CLSTN2: variants seen among roughly 807,000 people sequenced by gnomAD.
The protein encoded by CLSTN2 is calsyntenin-2.
In CLSTN2, 48 loss-of-function variants were observed where a neutral mutation model predicts 101.2. That is an observed-to-expected ratio of 0.47 (90% confidence interval 0.38 to 0.60). The LOEUF is 0.60. CLSTN2 is among the 20% of genes least tolerant of loss of function. The pLI, the probability that CLSTN2 is intolerant of heterozygous loss-of-function variation, is 0.00. For missense variants in CLSTN2, 1,160 were observed against 1,238.2 expected (o/e 0.94, Z 0.95); for synonymous variants, 481 against 463.6 (o/e 1.04, Z -0.48).
chr3:139,994,231 C>T (rs182377989), intron 1 of CLSTN2, among the ~76,000 whole-genome samples: 192 of 152,354 alleles, frequency 1.3e-3, no homozygotes, highest in Admixed American at 2.9e-3. Flanking sequence ...TATCTTCCTG[C>T]ACTTTCTGCA....
chr3:140,119,270 C>A (rs1195198452), intron 1 of CLSTN2, among the ~76,000 whole-genome samples: 1 of 152,218 alleles, frequency 6.6e-6, no homozygotes, highest in Non-Finnish European at 1.5e-5. Context: ...AGTCAACAGT[C>A]AACCAGTAAT....
chr3:140,334,074 G>A (rs764668914), intron 2 of CLSTN2, among the ~76,000 whole-genome samples: 7 of 152,126 alleles, frequency 4.6e-5, no homozygotes, highest in South Asian at 2.1e-4. Flanking sequence ...CCTTCCATGC[G>A]ACCTTGGATA....
intron 1 of CLSTN2, among the ~76,000 whole-genome samples, chr3:140,106,070 C>G (rs907821547): frequency 1.3e-5 from 2 of 152,186 alleles, no homozygotes; most frequent in Non-Finnish European, 2.9e-5. Context: ...ATGGCAGACA[C>G]CTGAAGCTGC....
chr3:140,165,413 T>G (rs1209373395), intron 1 of CLSTN2, among the ~76,000 whole-genome samples: 1 of 152,192 alleles, frequency 6.6e-6, no homozygotes, highest in African/African-American at 2.4e-5. Context: ...GACATCGTCA[T>G]GATTAGAATG....
intron 5 of CLSTN2, among the ~76,000 whole-genome samples, chr3:140,441,981 A>G (rs186687544): frequency 6.6e-6 from 1 of 152,256 alleles, no homozygotes; most frequent in East Asian, 1.9e-4. Context: ...GAATGGCACC[A>G]CTTGAACCTG....
intron 1 of CLSTN2, among the ~76,000 whole-genome samples, chr3:140,003,271 CT>C (rs2006886285): frequency 6.6e-6 from 1 of 151,986 alleles, no homozygotes; most frequent in African/African-American, 2.4e-5. Flanking sequence ...CCTTTTACTT[CT>C]TAAGTTAATT....
intron 2 of CLSTN2, among the ~76,000 whole-genome samples, chr3:140,276,388 C>T (rs560185092): frequency 9.9e-4 from 150 of 152,258 alleles, no homozygotes; most frequent in African/African-American, 3.1e-3. Context: ...AGAGCCCACA[C>T]CCTTCACGGC....
intron 8 of CLSTN2, among the ~76,000 whole-genome samples, chr3:140,513,583 C>CTTTTTTTTTTTTTTTTTT (rs55778787): frequency 4.6e-4 from 54 of 117,738 alleles, no homozygotes; most frequent in African/African-American, 1.3e-3. Context: ...TTTTTTCTTT[C>CTTTTTTTTTTTTTTTTTT]TTTTTTTTTT....
At chr3:140,555,206 T>C (rs374690933) in intron 10 of CLSTN2, among the ~76,000 whole-genome samples, 15 of 152,184 alleles carry the variant, frequency 9.9e-5, no homozygotes, top group African/African-American at 3.6e-4. Flanking sequence ...TTATTAAATC[T>C]TCCATAGCGT....
chr3:139,990,543 T>C (rs1441063433), intron 1 of CLSTN2, among the ~76,000 whole-genome samples: 3 of 152,186 alleles, frequency 2.0e-5, no homozygotes, highest in African/African-American at 7.2e-5. Flanking sequence ...ATCAAAGAGG[T>C]CATTCACTAT....
chr3:140,464,945 G>A (rs924185648), intron 7 of CLSTN2, among the ~76,000 whole-genome samples: 2 of 152,156 alleles, frequency 1.3e-5, no homozygotes, highest in African/African-American at 2.4e-5. Flanking sequence ...TTTCCTGAAA[G>A]CACTACTTCG....
At chr3:140,315,500 A>G (rs2087219648) in intron 2 of CLSTN2, among the ~76,000 whole-genome samples, 1 of 152,164 alleles carries the variant, frequency 6.6e-6, no homozygotes, top group Non-Finnish European at 1.5e-5. Flanking sequence ...CTAATTATGA[A>G]AATGTTTATT....
chr3:140,310,242 T>G (rs1041466821), intron 2 of CLSTN2, among the ~76,000 whole-genome samples: 1 of 152,088 alleles, frequency 6.6e-6, no homozygotes, highest in Non-Finnish European at 1.5e-5. Flanking sequence ...TTTAAAGACT[T>G]CAGTGAGCAC....
At chr3:140,395,566 C>T (rs934298032) in intron 2 of CLSTN2, among the ~76,000 whole-genome samples, 10 of 152,288 alleles carry the variant, frequency 6.6e-5, no homozygotes, top group East Asian at 3.9e-4. Flanking sequence ...AAACACCCTA[C>T]GTAACATCCT....
chr3:140,444,993 C>G (rs1003427683), intron 5 of CLSTN2, among the ~76,000 whole-genome samples: 1 of 152,202 alleles, frequency 6.6e-6, no homozygotes, highest in Non-Finnish European at 1.5e-5. Context: ...TTTGTGTGAG[C>G]GTCTCACTCT....
At chr3:140,543,553 C>T (rs1056681513) in intron 9 of CLSTN2, among the ~76,000 whole-genome samples, 2 of 152,316 alleles carry the variant, frequency 1.3e-5, no homozygotes, top group East Asian at 1.9e-4. Context: ...AGTGGCACCC[C>T]AGGCTGAGAA....
intron 1 of CLSTN2, among the ~76,000 whole-genome samples, chr3:140,075,696 T>G (rs2008475282): frequency 6.6e-6 from 1 of 152,178 alleles, no homozygotes; most frequent in Non-Finnish European, 1.5e-5. Context: ...TGAGTTGTTG[T>G]TGGGATGCAG....
At chr3:140,303,952 T>C (rs1002649725) in intron 2 of CLSTN2, among the ~76,000 whole-genome samples, 1 of 151,950 alleles carries the variant, frequency 6.6e-6, no homozygotes, top group African/African-American at 2.4e-5. Context: ...ACTTCTCTGA[T>C]TTTAAGCAAG....
intron 8 of CLSTN2, among the ~76,000 whole-genome samples, chr3:140,482,567 G>T (rs1335374060): frequency 6.6e-6 from 1 of 152,114 alleles, no homozygotes; most frequent in African/African-American, 2.4e-5. Context: ...GAATCGATCT[G>T]GTCCTGGACT....
Sources: gnomAD v4.1 joint callset for allele counts (sites outside exome capture counted in the v4.1 genomes callset) on GRCh38, gnomAD v4.1.1 for gene constraint, MANE v1.5 for transcripts, NCBI Gene and HGNC (gene_info 2026-07-23, HGNC 2026-07-21) for gene names.